MGAT3: variants seen among roughly 807,000 people sequenced by gnomAD.
MGAT3 encodes the protein GlcNAc-T III.
Under a neutral mutation model 29.8 loss-of-function variants are expected in MGAT3, and 9 were observed. The ratio of observed to expected loss-of-function variants is 0.30; its 90% confidence interval spans 0.18 to 0.53. The LOEUF is 0.53. MGAT3 is among the 20% of genes least tolerant of loss of function. The pLI is 0.96. For synonymous variants in MGAT3, 397 were observed against 348.9 expected (o/e 1.14, Z -1.54); for missense variants, 557 against 769.5 (o/e 0.72, Z 3.27).
intron 1 of MGAT3, among the ~76,000 whole-genome samples, chr22:39,484,001 C>T (rs1389594785): frequency 3.2e-4 from 49 of 152,312 alleles, no homozygotes; most frequent in Admixed American, 3.1e-3. Context: ...CTGCTTCTTA[C>T]CAGCCTGCTC....
At position 39,475,490 on chromosome 22, in the gene MGAT3, G is replaced by A. The variant is rs189049189; in HGVS notation, c.-1-11857G>A. Among the ~76,000 whole-genome samples the A allele has an allele frequency of 2.8e-3, 428 of 152,272 alleles. 2 individuals are homozygous for A. Among genetic ancestry groups the A allele is most frequent in the African/African-American group, 0.01 (419 of 41,542 alleles). On this transcript the variant is annotated intron_variant, in intron 1 of 1. Transcript: ENST00000341184. Reference sequence around the variant, plus strand: ...CTAATGCCCCTGCACCCTGGTGTCAGGCAGCCCCCCAGAGCTGCATCCCTC... The same window carrying A: ...CTAATGCCCCTGCACCCTGGTGTCAAGCAGCCCCCCAGAGCTGCATCCCTC...
chr22:39,465,001 T>C (rs1928600633), intron 1 of MGAT3, among the ~76,000 whole-genome samples: 1 of 152,100 alleles, frequency 6.6e-6, no homozygotes, highest in African/African-American at 2.4e-5. Context: ...GTGATCTGCC[T>C]GCCTCGGCCT....
At chr22:39,466,272 T>C (rs1415101362) in intron 1 of MGAT3, among the ~76,000 whole-genome samples, 1 of 152,176 alleles carries the variant, frequency 6.6e-6, no homozygotes, top group Non-Finnish European at 1.5e-5. Flanking sequence ...TTGCGGGCAG[T>C]GACCGGCTGT....
rs887304938 is a variant in MGAT3, at chr22:39,457,697, G to T, written c.-2+140G>T. On this transcript the variant is annotated intron_variant, in intron 1 of 1. Transcript: ENST00000341184. This position sits in a 1 kb window ranked among gnomAD's most constrained non-coding sequence, Gnocchi z 6.8. ...GTGACCTTAGGGGGCGGGCGCGGGC[G>T]CACTGGGGCTGGGGGCCCGGAGGCC... 2 of 150,398 alleles carry T rather than the reference G, an allele frequency of 1.3e-5. No individual in the cohort carries two copies. The highest frequency in any genetic ancestry group is 4.9e-5 in the African/African-American group (2 of 41,226). The allele number at this position is 150,398 out of a possible 1,614,324, so 9.3% of individuals were successfully genotyped here. A position where few individuals can be genotyped will look rare whatever the true frequency, so the allele number is the denominator to read the frequency against.
intron 1 of MGAT3, among the ~76,000 whole-genome samples, chr22:39,464,237 G>T (rs564454252): frequency 7.2e-5 from 11 of 152,282 alleles, no homozygotes; most frequent in Admixed American, 5.9e-4. Context: ...CAAATCTCTC[G>T]TGGTGAGTCC....
Position 39,488,022 on chromosome 22 carries a change from C to T in MGAT3, c.675C>T (p.Phe225=), listed in dbSNP as rs1326652569. The T allele has an allele frequency of 1.2e-6, 2 of 1,613,152 alleles. No individual in the cohort carries two copies. Among genetic ancestry groups the T allele is most frequent in the Admixed American group, 3.3e-5 (2 of 59,988 alleles). The stretch of plus-strand genomic sequence containing the variant: ...AGTTCGACCTGCTGGACGTGCGCTT[C>T]CACGAGCTGGGCGACGTGGTGGACG... ...NHEFDLLDVR[F]HELGDVVDAF... Residue 225 remains phenylalanine, a synonymous_variant, in exon 2 of 2, where the codon TTC becomes TTT. Transcript: ENST00000341184.
At chr22:39,467,275 G>A (rs1339886525) in intron 1 of MGAT3, among the ~76,000 whole-genome samples, 1 of 152,168 alleles carries the variant, frequency 6.6e-6, no homozygotes, top group Non-Finnish European at 1.5e-5. Context: ...ATTGCAGTGA[G>A]AGCTGGTGCA....
At chr22:39,485,325 G>A (rs1325404480) in intron 1 of MGAT3, among the ~76,000 whole-genome samples, 1 of 151,988 alleles carries the variant, frequency 6.6e-6, no homozygotes, top group Non-Finnish European at 1.5e-5. Context: ...ATAAAACGAG[G>A]GATCCAAATC....
intron 1 of MGAT3, among the ~76,000 whole-genome samples, chr22:39,466,582 T>C (rs536385546): frequency 1.3e-5 from 2 of 152,362 alleles, no homozygotes; most frequent in Admixed American, 6.5e-5. Context: ...ACTGGTCCCC[T>C]GCCCTCCTGA....
At chr22:39,479,200 G>C (rs1244890094) in intron 1 of MGAT3, among the ~76,000 whole-genome samples, 1 of 152,064 alleles carries the variant, frequency 6.6e-6, no homozygotes, top group Non-Finnish European at 1.5e-5. Flanking sequence ...AATCAGCCGA[G>C]TGGTGGCACA....
chr22:39,481,839 G>A (rs1461714494), intron 1 of MGAT3, among the ~76,000 whole-genome samples: 1 of 152,228 alleles, frequency 6.6e-6, no homozygotes, highest in Non-Finnish European at 1.5e-5. Flanking sequence ...AAGGGTACCT[G>A]CTTCGTGTTG....
rs554303936 is a variant in MGAT3 at position 39,485,744 on chromosome 22, G to A, written c.-1-1603G>A. Among the ~76,000 whole-genome samples, 9 of 152,100 alleles carry A rather than the reference G, an allele frequency of 5.9e-5. No individual in the cohort carries two copies. In the South Asian group the frequency reaches 1.9e-3, roughly 32 times the overall value. On this transcript the variant is annotated intron_variant, in intron 1 of 1. Coordinates refer to ENST00000341184, the MANE Select transcript of MGAT3 (RefSeq NM_002409.5). The stretch of plus-strand genomic sequence containing the variant: ...GCAGGGGCTGCAGTGAGCAGAGATC[G>A]CACCACTGCACTTCAGCCTGGGCGA...
At chr22:39,475,520 C>T (rs1402214043) in intron 1 of MGAT3, among the ~76,000 whole-genome samples, 1 of 152,206 alleles carries the variant, frequency 6.6e-6, no homozygotes, top group African/African-American at 2.4e-5. Flanking sequence ...TCCCTCCCTC[C>T]TGTAGTTAAC....
intron 1 of MGAT3, among the ~76,000 whole-genome samples, chr22:39,483,276 C>T (rs987370575): frequency 1.3e-5 from 2 of 152,296 alleles, no homozygotes; most frequent in African/African-American, 4.8e-5. Context: ...GGGCAGATCA[C>T]CTGAGGTCAG....
In MGAT3 at chr22:39,457,411, G is replaced by A. The variant is rs1317899449; in HGVS notation, c.-148G>A. The A allele has an allele frequency of 6.8e-6, 1 of 147,598 alleles. No homozygotes were observed. Among genetic ancestry groups the A allele is most frequent in the Non-Finnish European group, 1.5e-5 (1 of 65,916 alleles). 9.1% of individuals were successfully genotyped at this position (147,598 alleles called of 1,614,324 possible). A position where few individuals can be genotyped will look rare whatever the true frequency, so the allele number is the denominator to read the frequency against. On this transcript the variant is annotated 5_prime_UTR_variant, in exon 1 of 2. Coordinates refer to ENST00000341184, the MANE Select transcript of MGAT3 (RefSeq NM_002409.5). This position sits in a 1 kb window ranked among gnomAD's most constrained non-coding sequence, Gnocchi z 6.8. ...CCGGGGCCGCGCTGCCTGCGATGCC[G>A]GGCGCCCGCCGCAGCCGCTGCCGCC... is the stretch of plus-strand genomic sequence containing the variant.
At chr22:39,465,931 TAA>T (rs747945527) in intron 1 of MGAT3, among the ~76,000 whole-genome samples, 49 of 117,610 alleles carry the variant, frequency 4.2e-4, no homozygotes, top group Admixed American at 1.3e-3. Flanking sequence ...GACTCCGTCT[TAA>T]AAAAAAAAAA....
chr22:39,484,208 T>G (rs1432356072), intron 1 of MGAT3, among the ~76,000 whole-genome samples: 2 of 152,332 alleles, frequency 1.3e-5, no homozygotes, highest in Admixed American at 1.3e-4. Context: ...ATTCTGTGCC[T>G]TACGACCATG....
At position 39,488,142 on chromosome 22, in the gene MGAT3, C is replaced by G. The variant is rs1158641939; in HGVS notation, c.795C>G (p.Ile265Met). The G allele has an allele frequency of 6.2e-7, 1 of 1,613,024 alleles. No homozygotes were observed. Among genetic ancestry groups the G allele is most frequent in the Non-Finnish European group, 8.5e-7 (1 of 1,179,942 alleles). Residue 265 changes from isoleucine to methionine, a missense_variant, in exon 2 of 2, where the codon ATC (isoleucine) becomes ATG (methionine). Physicochemically the swap from Ile to Met is conservative, Grantham distance 10 (BLOSUM62 1). Transcript: ENST00000341184. ...EMLTNGTFEY[I>M]RHKVLYVFLD... ...TGACCAATGGCACCTTCGAGTACAT[C>G]CGCCACAAGGTGCTCTATGTCTTCC...
chr22:39,488,210 C>T lies in MGAT3; in HGVS notation c.863C>T (p.Ala288Val). 1 of 1,612,732 alleles carries T rather than the reference C, an allele frequency of 6.2e-7. No individual in the cohort carries two copies. Among genetic ancestry groups the T allele is most frequent in the Non-Finnish European group, 8.5e-7 (1 of 1,179,940 alleles). Reference protein sequence around the residue: ...PPGGRQDGWIADDYLRTFLTQ... With the variant: ...PPGGRQDGWIVDDYLRTFLTQ... The stretch of plus-strand genomic sequence containing the variant: ...GGCGGCCGGCAGGACGGCTGGATCG[C>T]CGACGACTACCTGCGCACCTTCCTC... The change falls in exon 2 of 2, where the codon GCC (alanine) becomes GTC (valine). Residue 288 changes from alanine to valine, a missense_variant. Ala to Val is a moderately conservative substitution (Grantham distance 64). Transcript: ENST00000341184.
Sources: gnomAD v4.1 joint callset for allele counts (sites outside exome capture counted in the v4.1 genomes callset) on GRCh38, gnomAD v4.1.1 for gene constraint, Gnocchi (gnomAD v3.1) non-coding constraint, MANE v1.5 for transcripts, NCBI Gene and HGNC (gene_info 2026-07-23, HGNC 2026-07-21) for gene names.